GNA14: variants seen among roughly 807,000 people sequenced by gnomAD.
GNA14 encodes the protein guanine nucleotide-binding protein subunit alpha-14.
In GNA14, 50 loss-of-function variants were observed where a neutral mutation model predicts 42.0. The observed-to-expected ratio is 1.19, with a 90% CI of 0.95 to 1.51. GNA14 has a LOEUF of 1.51. Among genes scored for constraint, GNA14 ranks in the 40% most tolerant of loss-of-function variants. The probability of loss-of-function intolerance (pLI) is 0.00; values close to 1 mark genes in which losing one functional copy is unlikely to be tolerated. For synonymous variants in GNA14, 173 were observed against 163.1 expected, an observed-to-expected ratio of 1.06 and a Z score of -0.46; for missense variants, 473 against 446.2, an observed-to-expected ratio of 1.06 and a Z score of -0.54.
chr9:77,580,996 A>G (rs1045166448), intron 1 of GNA14, among the ~76,000 whole-genome samples: 2 of 132,338 alleles, frequency 1.5e-5, no homozygotes, highest in African/African-American at 5.8e-5. Flanking sequence ...TAAAGATACA[A>G]TAAAGGCACA....
intron 2 of GNA14, among the ~76,000 whole-genome samples, chr9:77,514,461 G>T (rs1837216841): frequency 6.6e-6 from 1 of 152,058 alleles, no homozygotes; most frequent in Non-Finnish European, 1.5e-5. Flanking sequence ...AAGAACTCTT[G>T]GTCTGAAGTG....
intron 1 of GNA14, among the ~76,000 whole-genome samples, chr9:77,579,446 T>G (rs1271157966): frequency 6.6e-6 from 1 of 152,120 alleles, no homozygotes; most frequent in Non-Finnish European, 1.5e-5. Context: ...TGGTTCTGGT[T>G]TCATGATCAG....
rs1434979597 is a variant in GNA14 at position 77,647,994 on chromosome 9, G to C, written c.-201C>G. The C allele has an allele frequency of 5.1e-6, 3 of 592,390 alleles. No individual in the cohort carries two copies. The highest frequency in any genetic ancestry group is 8.6e-6 in the Non-Finnish European group (3 of 350,122). 36.7% of individuals were successfully genotyped at this position (592,390 alleles called of 1,614,324 possible). ...AAGTCGGCTCTGAGGCGGGGTGAAT[G>C]CCGAGCGCTGGGAACGCTCGAGTGC... On this transcript the variant is annotated 5_prime_UTR_variant, in exon 1 of 7. Coordinates refer to ENST00000341700, the MANE Select transcript of GNA14 (RefSeq NM_004297.4).
intron 1 of GNA14, among the ~76,000 whole-genome samples, chr9:77,571,077 T>C (rs553701127): frequency 7.1e-6 from 1 of 141,322 alleles, no homozygotes; most frequent in African/African-American, 3.2e-5. Flanking sequence ...TGGGCTAGAA[T>C]TGTATAGCTA....
chr9:77,513,344 T>C (rs1837200157), intron 2 of GNA14, among the ~76,000 whole-genome samples: 1 of 152,230 alleles, frequency 6.6e-6, no homozygotes, highest in African/African-American at 2.4e-5. Context: ...GCTACTTGTG[T>C]GATCTTGGGA....
intron 2 of GNA14, among the ~76,000 whole-genome samples, chr9:77,499,420 A>C (rs539202025): frequency 4.8e-4 from 73 of 152,174 alleles, no homozygotes; most frequent in African/African-American, 1.7e-3. Context: ...ACCATATTGC[A>C]AAGAATTGAA....
intron 4 of GNA14, among the ~76,000 whole-genome samples, chr9:77,430,248 T>TG (rs1835522683): frequency 2.0e-5 from 3 of 152,304 alleles, no homozygotes; most frequent in South Asian, 4.1e-4. Context: ...AGAGGTGCTC[T>TG]GAGTTGTAAA....
In GNA14 at chr9:77,615,174, G is replaced by A. The variant is rs1587848604; in HGVS notation, c.124+32496C>T. 2.6e-5 allele frequency among the ~76,000 whole-genome samples: 4 copies of A among 152,108 alleles called. No homozygotes were observed. In the East Asian group the frequency reaches 5.8e-4, roughly 22 times the overall value. ...AGCACTGTCATGGAGCTTTTACACA[G>A]GAAGAAATGTAACTAACCAGCCACT... On this transcript the variant is annotated intron_variant, in intron 1 of 6. Coordinates refer to ENST00000341700, the MANE Select transcript of GNA14 (RefSeq NM_004297.4).
chr9:77,598,359 C>G (rs1373222574), intron 1 of GNA14, among the ~76,000 whole-genome samples: 1 of 152,204 alleles, frequency 6.6e-6, no homozygotes, highest in Non-Finnish European at 1.5e-5. Context: ...CCAGGTCCAG[C>G]TCCAAATCCA....
At chr9:77,487,914 C>T (rs574082875) in intron 2 of GNA14, among the ~76,000 whole-genome samples, 2 of 152,182 alleles carry the variant, frequency 1.3e-5, no homozygotes, top group East Asian at 1.9e-4. Flanking sequence ...CAACAATGTG[C>T]CAAACATACC....
intron 1 of GNA14, among the ~76,000 whole-genome samples, chr9:77,603,684 G>A (rs1382024374): frequency 6.6e-6 from 1 of 152,022 alleles, no homozygotes; most frequent in Admixed American, 6.6e-5. Flanking sequence ...ACCTCTGAGA[G>A]GCCGGGCACA....
At chr9:77,580,623 G>A (rs527434444) in intron 1 of GNA14, 47 of 420,216 alleles carry the variant, frequency 1.1e-4, no homozygotes, top group African/African-American at 4.5e-4. Flanking sequence ...TGCTCACTTC[G>A]GCTGACCTCC....
chr9:77,581,464 G>A (rs1823222886), intron 1 of GNA14, among the ~76,000 whole-genome samples: 1 of 152,134 alleles, frequency 6.6e-6, no homozygotes, highest in South Asian at 2.1e-4. Context: ...AAGATAACGT[G>A]AGTCAATGTA....
At chr9:77,503,970 G>A (rs753074539) in intron 2 of GNA14, among the ~76,000 whole-genome samples, 3 of 151,992 alleles carry the variant, frequency 2.0e-5, no homozygotes, top group Admixed American at 6.6e-5. Context: ...TGTGAGCCAC[G>A]GTGCCTGACC....
intron 2 of GNA14, chr9:77,517,585 CTTTTCTTTTTTTTTTTTT>C (rs1837277940): frequency 2.0e-5 from 1 of 48,810 alleles, no homozygotes; most frequent in African/African-American, 7.9e-5. Context: ...TATCCTGGTA[CTTTTCTTTTTTTTTTTTT>C]TTTTTTTTTT....
At chr9:77,612,477 A>G (rs760071286) in intron 1 of GNA14, among the ~76,000 whole-genome samples, 2 of 152,174 alleles carry the variant, frequency 1.3e-5, no homozygotes, top group Non-Finnish European at 2.9e-5. Context: ...TGAGTCTACA[A>G]TCAGGCAAAA....
chr9:77,426,365 C>T (rs570692079), intron 5 of GNA14, among the ~76,000 whole-genome samples: 52 of 151,874 alleles, frequency 3.4e-4, no homozygotes, highest in African/African-American at 1.1e-3. Flanking sequence ...AGTACAGTGG[C>T]GCGATCTCGG....
At chr9:77,459,795 T>C (rs1836073099) in intron 2 of GNA14, among the ~76,000 whole-genome samples, 1 of 152,186 alleles carries the variant, frequency 6.6e-6, no homozygotes, top group African/African-American at 2.4e-5. Flanking sequence ...GACTTCCAGG[T>C]ACAAGGCTTT....
chr9:77,572,744 C>T (rs777789177), intron 1 of GNA14, among the ~76,000 whole-genome samples: 14 of 152,132 alleles, frequency 9.2e-5, no homozygotes, highest in Non-Finnish European at 1.9e-4. Flanking sequence ...CTTGCAAAAA[C>T]TTGGTGTCTG....
Sources: allele counts gnomAD v4.1 joint callset (sites outside exome capture counted in the v4.1 genomes callset), GRCh38; gene constraint gnomAD v4.1.1; transcripts MANE v1.5; gene names NCBI Gene and HGNC (gene_info 2026-07-23, HGNC 2026-07-21).